NRXN1: variants seen among roughly 807,000 people sequenced by gnomAD.
NRXN1 encodes neurexin 1.
In NRXN1, 39 loss-of-function variants were observed where a neutral mutation model predicts 150.9. The observed-to-expected ratio is 0.26, with a 90% CI of 0.20 to 0.34. The LOEUF is 0.34. NRXN1 is among the 10% of genes least tolerant of loss of function. NRXN1 has a pLI of 1.00. For synonymous variants in NRXN1, 924 were observed against 757.0 expected (o/e 1.22, Z -3.62); for missense variants, 1,815 against 1,949.9 (o/e 0.93, Z 1.30).
intron 18 of NRXN1, among the ~76,000 whole-genome samples, chr2:50,136,091 G>A (rs12468252): frequency 0.17 from 25,851 of 151,974 alleles, 2,681 homozygotes; most frequent in East Asian, 0.37. Flanking sequence ...CTCCTTGTTC[G>A]GAAGAGTCAA....
intron 17 of NRXN1, among the ~76,000 whole-genome samples, chr2:50,462,336 A>C (rs1466729777): frequency 6.6e-6 from 1 of 151,808 alleles, no homozygotes; most frequent in Non-Finnish European, 1.5e-5. Context: ...CCAGAGGAGA[A>C]AAAAAATATT....
intron 5 of NRXN1, among the ~76,000 whole-genome samples, chr2:50,804,578 G>T (rs1210281452): frequency 4.6e-5 from 7 of 152,156 alleles, no homozygotes; most frequent in Non-Finnish European, 4.4e-5. Flanking sequence ...AAGTCAGCAT[G>T]ACCTCTTTGA....
At chr2:50,180,190 T>TAA (rs112003684) in intron 18 of NRXN1, among the ~76,000 whole-genome samples, 50 of 151,016 alleles carry the variant, frequency 3.3e-4, no homozygotes, top group Admixed American at 2.8e-3. Flanking sequence ...TCTGGCTAAT[T>TAA]TAAAAAAAAA....
chr2:50,211,799 C>A (rs1181404324), intron 18 of NRXN1, among the ~76,000 whole-genome samples: 1 of 151,286 alleles, frequency 6.6e-6, no homozygotes, highest in East Asian at 1.9e-4. Context: ...TCTTAGTCAA[C>A]CAGACTCCAT....
At chr2:50,426,088 T>G (rs918882079) in intron 17 of NRXN1, among the ~76,000 whole-genome samples, 12 of 152,216 alleles carry the variant, frequency 7.9e-5, no homozygotes, top group Non-Finnish European at 1.5e-4. Flanking sequence ...TGATATTATT[T>G]GAAAGATATG....
chr2:50,871,077 G>A (rs894918363), intron 5 of NRXN1, among the ~76,000 whole-genome samples: 3 of 151,740 alleles, frequency 2.0e-5, no homozygotes, highest in African/African-American at 7.3e-5. Flanking sequence ...GTAGCATATA[G>A]GATAAATCTT....
At chr2:50,169,915 A>C (rs549365660) in intron 18 of NRXN1, among the ~76,000 whole-genome samples, 29 of 152,100 alleles carry the variant, frequency 1.9e-4, no homozygotes, top group African/African-American at 5.8e-4. Flanking sequence ...GGCACTGGAG[A>C]GGTGAACTAG....
chr2:50,450,407 A>G (rs1166667842), intron 17 of NRXN1, among the ~76,000 whole-genome samples: 1 of 150,746 alleles, frequency 6.6e-6, no homozygotes, highest in African/African-American at 2.5e-5. Context: ...GCATGGTTGG[A>G]AGCACTTGTG....
intron 5 of NRXN1, among the ~76,000 whole-genome samples, chr2:50,791,746 C>G (rs1322028135): frequency 1.3e-5 from 2 of 152,174 alleles, no homozygotes; most frequent in South Asian, 2.1e-4. Flanking sequence ...AAAATTAAGG[C>G]CTTTGTTAAT....
At chr2:50,285,017 C>T (rs1285355095) in intron 17 of NRXN1, among the ~76,000 whole-genome samples, 1 of 152,052 alleles carries the variant, frequency 6.6e-6, no homozygotes, top group South Asian at 2.1e-4. Context: ...AATATATATA[C>T]ATTTAAGAAA....
chr2:50,944,838 C>T lies in NRXN1; in HGVS notation c.773-18883G>A, dbSNP rs528332529. On this transcript the variant is annotated intron_variant, in intron 2 of 22. Coordinates refer to ENST00000401669, the MANE Select transcript of NRXN1 (RefSeq NM_001330078.2). ...CTGTGCTTGAAGGATGCAGACTCAA[C>T]TAGCACTGTGTGTGCTAAAATCTGT... Among the ~76,000 whole-genome samples, 4 of 152,210 alleles carry T rather than the reference C, an allele frequency of 2.6e-5. 1 individual carries two copies. In the East Asian group the frequency reaches 7.7e-4, roughly 29 times the overall value.
chr2:50,428,772 GT>G (rs2084708848), intron 17 of NRXN1, among the ~76,000 whole-genome samples: 1 of 152,108 alleles, frequency 6.6e-6, no homozygotes, highest in Non-Finnish European at 1.5e-5. Context: ...ATGCTAAGAG[GT>G]TTACATTAAT....
At chr2:50,125,979 A>G (rs1036457924) in intron 18 of NRXN1, among the ~76,000 whole-genome samples, 4 of 152,076 alleles carry the variant, frequency 2.6e-5, no homozygotes, top group African/African-American at 9.7e-5. Context: ...TGACCTGTTT[A>G]CTCCATTAGG....
intron 17 of NRXN1, among the ~76,000 whole-genome samples, chr2:50,262,177 G>A (rs759510644): frequency 6.6e-6 from 1 of 151,880 alleles, no homozygotes; most frequent in Non-Finnish European, 1.5e-5. Context: ...TGCACAGAAT[G>A]TTTTCTGTAT....
chr2:50,350,764 G>T (rs1175863327), intron 17 of NRXN1, among the ~76,000 whole-genome samples: 2 of 152,042 alleles, frequency 1.3e-5, no homozygotes, highest in Non-Finnish European at 2.9e-5. Context: ...ATATTGTCTG[G>T]GGCCTTGGGA....
intron 21 of NRXN1, among the ~76,000 whole-genome samples, chr2:50,013,206 A>T (rs1387299296): frequency 5.9e-5 from 9 of 151,516 alleles, no homozygotes; most frequent in African/African-American, 2.2e-4. Flanking sequence ...CTTCAAGAAG[A>T]AGGAGATTTG....
At chr2:50,611,612 T>G (rs991900733) in intron 8 of NRXN1, among the ~76,000 whole-genome samples, 1 of 152,290 alleles carries the variant, frequency 6.6e-6, no homozygotes, top group African/African-American at 2.4e-5. Flanking sequence ...AGAAGTGAAC[T>G]TATCCTTAGC....
In NRXN1 at chr2:50,055,027, G is replaced by T; in HGVS notation, c.3736C>A (p.Arg1246Ser). 2 of 1,598,542 alleles carry T rather than the reference G, an allele frequency of 1.3e-6. No individual in the cohort carries two copies. Among genetic ancestry groups the T allele is most frequent in the Non-Finnish European group, 1.7e-6 (2 of 1,173,636 alleles). The change falls in exon 20 of 23, where the codon CGC (arginine) becomes AGC (serine). Residue 1246 changes from arginine to serine, a missense_variant. Transcript: ENST00000401669. ...ATTCGCTGTCTAGCAATCGCCAGGC[G>T]CTCGTTATCATTGTTTCCTTTAAAG... ...RYPAGNNDNE[R>S]LAIARQRIPY...
intron 21 of NRXN1, among the ~76,000 whole-genome samples, chr2:50,029,941 G>A (rs549462868): frequency 6.6e-6 from 1 of 152,096 alleles, no homozygotes; most frequent in African/African-American, 2.4e-5. Flanking sequence ...TAAAATGCCA[G>A]CTCCATGCCA....
Sources: allele counts gnomAD v4.1 joint callset (sites outside exome capture counted in the v4.1 genomes callset), GRCh38; gene constraint gnomAD v4.1.1; transcripts MANE v1.5; gene names NCBI Gene and HGNC (gene_info 2026-07-23, HGNC 2026-07-21).